ATP2C1: variants seen among roughly 807,000 people sequenced by gnomAD.
ATP2C1 encodes ATPase secretory pathway Ca2+ transporting 1.
In ATP2C1, 31 loss-of-function variants were observed where a neutral mutation model predicts 120.5. The ratio of observed to expected loss-of-function variants is 0.26; its 90% CI spans 0.19 to 0.35. ATP2C1 has a LOEUF of 0.35. ATP2C1 is among the 10% of genes least tolerant of loss of function. ATP2C1 has a pLI of 1.00. For missense variants in ATP2C1, 731 were observed against 1,107.5 expected (o/e 0.66, Z 4.83); for synonymous variants, 351 against 358.7 (o/e 0.98, Z 0.24).
intron 11 of ATP2C1, 102 bp from the exon 12 acceptor site, chr3:130,959,173 T>C: frequency 6.2e-6 from 5 of 807,686 alleles, no homozygotes; most frequent in Non-Finnish European, 1.1e-5. Flanking sequence ...TGATATGCTT[T>C]CCCTTTTTTG....
At chr3:130,900,547 A>C (rs2107980003) in intron 2 of ATP2C1, among the ~76,000 whole-genome samples, 1 of 152,298 alleles carries the variant, frequency 6.6e-6, no homozygotes, top group Middle Eastern at 3.4e-3. Context: ...ATAAGTGGAA[A>C]TATTTAGGAT....
At chr3:130,944,271 C>T (rs1376419251) in intron 8 of ATP2C1, among the ~76,000 whole-genome samples, 1 of 152,204 alleles carries the variant, frequency 6.6e-6, no homozygotes, top group Non-Finnish European at 1.5e-5. Context: ...CTTGTTAGCA[C>T]ATTCAGTGAC....
At position 130,993,999 on chromosome 3, in the gene ATP2C1, AG is replaced by A; in HGVS notation, c.1960del (p.Ala654LeufsTer22). The A allele has an allele frequency of 6.2e-7, 1 of 1,614,172 alleles. No homozygotes were observed. The highest frequency in any genetic ancestry group is 8.5e-7 in the Non-Finnish European group (1 of 1,180,030). ...GDGVNDAVALKAADIGVAMGQ... is the reference protein window; with the variant it reads ...GDGVNDAVALXAADIGVAMGQ... ...GGAGTAAATGATGCAGTTGCTCTGA[AG>A]GCTGCAGACATTGGAGTTGCGATGG... On this transcript the variant is annotated frameshift_variant, in exon 22 of 28. Coordinates refer to ENST00000510168, the MANE Select transcript of ATP2C1 (RefSeq NM_001378687.1). LOFTEE classifies it high-confidence loss of function.
chr3:130,930,555 A>G lies in ATP2C1; in HGVS notation c.117+29A>G, dbSNP rs897013014. The stretch of plus-strand genomic sequence containing the variant: ...AGTGGTTAGTGGGGAGGAAGGGACT[A>G]GATGGTGTAAAGTCAGTCACTTAGA... On this transcript the variant is annotated intron_variant, in intron 3 of 27. Transcript: ENST00000510168. 5 of 1,373,164 alleles carry G rather than the reference A, an allele frequency of 3.6e-6. No individual in the cohort carries two copies. The Admixed American group carries it at 8.4e-5, about 23-fold the overall frequency. The allele number at this position is 1,373,164 out of a possible 1,614,324, so 85.1% of individuals were successfully genotyped here.
chr3:130,926,252 T>C (rs1170713473), intron 2 of ATP2C1, among the ~76,000 whole-genome samples: 1 of 152,212 alleles, frequency 6.6e-6, no homozygotes, highest in Non-Finnish European at 1.5e-5. Flanking sequence ...AGATACAAGC[T>C]AGTCCTGCCT....
upstream of ATP2C1, chr3:130,894,071 C>A: frequency 1.0e-6 from 1 of 983,184 alleles, no homozygotes; most frequent in Non-Finnish European, 1.2e-6. The surrounding 1 kb of genome is among the most constrained non-coding windows in gnomAD (Gnocchi z 4.5). Context: ...GCGCAGGAGT[C>A]GGAGGCGGGA....
intron 26 of ATP2C1, chr3:131,014,087 C>T (rs2063456779): frequency 6.2e-7 from 1 of 1,601,136 alleles, no homozygotes; most frequent in Non-Finnish European, 8.5e-7. Context: ...CACTATGTTC[C>T]TCTAAGTTTT....
rs1176918548 is a variant in ATP2C1 at position 130,944,135 on chromosome 3, A to T, written c.531+2436A>T. Among the ~76,000 whole-genome samples the T allele has an allele frequency of 2.0e-5, 3 of 152,226 alleles. No homozygotes were observed. The East Asian group carries it at 5.8e-4, about 29-fold the overall frequency. On this transcript the variant is annotated intron_variant, in intron 8 of 27. Coordinates refer to ENST00000510168, the MANE Select transcript of ATP2C1 (RefSeq NM_001378687.1). ...GCAAGTCTGTGAACTTCTGCTATGTAGTTAGTTCTCTTACAGACTAGGCCT... is the reference window on the plus strand; with the variant it reads ...GCAAGTCTGTGAACTTCTGCTATGTTGTTAGTTCTCTTACAGACTAGGCCT...
chr3:130,895,824 G>A (rs968759183), intron 2 of ATP2C1, among the ~76,000 whole-genome samples: 11 of 152,136 alleles, frequency 7.2e-5, no homozygotes, highest in Non-Finnish European at 1.5e-4. Context: ...AGACCTCTGG[G>A]CTATGTAGGG....
intron 8 of ATP2C1, among the ~76,000 whole-genome samples, chr3:130,950,342 A>T (rs1202586104): frequency 6.6e-6 from 1 of 152,128 alleles, no homozygotes; most frequent in African/African-American, 2.4e-5. Flanking sequence ...TGAGGGTTTA[A>T]TACTTAAACT....
upstream of ATP2C1, among the ~76,000 whole-genome samples, chr3:130,892,895 A>G (rs1281610947): frequency 6.6e-6 from 1 of 152,278 alleles, no homozygotes; most frequent in African/African-American, 2.4e-5. Context: ...CCCGTCCGTT[A>G]ATTCTGATGT....
In ATP2C1 at chr3:130,967,253, T is replaced by G; in HGVS notation, c.1218+13T>G. The G allele has an allele frequency of 6.2e-7, 1 of 1,613,234 alleles. No homozygotes were observed. On this transcript the variant is annotated intron_variant, in intron 15 of 27. Coordinates refer to ENST00000510168, the MANE Select transcript of ATP2C1 (RefSeq NM_001378687.1). ...CAGAATTGTTGAGGTAAATATTTTT[T>G]TTTCCAAGATGGTGACTTTCTTCAT...
At chr3:130,874,862 G>A (rs774181928) in intron 1 of ATP2C1, among the ~76,000 whole-genome samples, 21 of 152,160 alleles carry the variant, frequency 1.4e-4, no homozygotes, top group African/African-American at 1.4e-4. Context: ...AGTAGGACTC[G>A]CCGGAGTGTG....
Position 131,001,938 on chromosome 3 carries a change from C to A in ATP2C1, c.*588C>A, listed in dbSNP as rs2062905418. Reference sequence around the variant, plus strand: ...CTGTCAGATCACTGTTCTTTTCTTTCTTTTTGTGATTGAAAAGCCTATACT... The same window carrying A: ...CTGTCAGATCACTGTTCTTTTCTTTATTTTTGTGATTGAAAAGCCTATACT... On this transcript the variant is annotated 3_prime_UTR_variant, in exon 28 of 28. Transcript: ENST00000510168. 3 of 984,452 alleles carry A rather than the reference C, an allele frequency of 3.0e-6. No homozygotes were observed. Among genetic ancestry groups the A allele is most frequent in the South Asian group, 9.4e-5 (2 of 21,266 alleles). The allele number at this position is 984,452 out of a possible 1,614,324, so 61.0% of individuals were successfully genotyped here.
chr3:131,004,463 G>T (rs2063023436), downstream of ATP2C1, among the ~76,000 whole-genome samples: 1 of 152,234 alleles, frequency 6.6e-6, no homozygotes, highest in South Asian at 2.1e-4. Context: ...TGGTTAACCA[G>T]TCCCTGGTAT....
At chr3:130,945,051 C>T (rs1019663666) in intron 8 of ATP2C1, among the ~76,000 whole-genome samples, 12 of 151,238 alleles carry the variant, frequency 7.9e-5, no homozygotes, top group African/African-American at 2.4e-4. Context: ...GAATATTTTC[C>T]ACCTGTGATT....
chr3:130,969,289 T>C lies in ATP2C1; in HGVS notation c.1309-3T>C. ...GAATTAACTTTCTCTTTGTGCCATA[T>C]AGATGGGTCTTGATGGACTTCAACA... On this transcript the variant is annotated splice_region_variant and splice_polypyrimidine_tract_variant and intron_variant, in intron 16 of 27. Coordinates refer to ENST00000510168, the MANE Select transcript of ATP2C1 (RefSeq NM_001378687.1). 6.2e-7 allele frequency: 1 copy of C among 1,607,538 alleles called. No individual in the cohort carries two copies. The highest frequency in any genetic ancestry group is 8.5e-7 in the Non-Finnish European group (1 of 1,174,076).
At chr3:130,877,615 G>A (rs35549892) in intron 1 of ATP2C1, among the ~76,000 whole-genome samples, 27,095 of 150,002 alleles carry the variant, frequency 0.18, 2,630 homozygotes, top group Middle Eastern at 0.25. Flanking sequence ...GTTAGAACGG[G>A]ATCATTAAAA....
At chr3:131,010,672 T>C (rs1312662067) in intron 26 of ATP2C1, among the ~76,000 whole-genome samples, 1 of 152,216 alleles carries the variant, frequency 6.6e-6, no homozygotes, top group Non-Finnish European at 1.5e-5. Context: ...CCATTGAAAT[T>C]GTCTTGGTAG....
Sources: allele counts gnomAD v4.1 joint callset (sites outside exome capture counted in the v4.1 genomes callset), GRCh38; gene constraint gnomAD v4.1.1; non-coding constraint Gnocchi (gnomAD v3.1); transcripts MANE v1.5; gene names NCBI Gene and HGNC (gene_info 2026-07-23, HGNC 2026-07-21).